CHD8: variants seen among roughly 807,000 people sequenced by gnomAD.
The protein encoded by CHD8 is chromodomain helicase DNA binding protein 8.
A neutral mutation model predicts 279.2 loss-of-function variants in CHD8; 31 were observed. The observed-to-expected ratio is 0.11, with a 90% CI of 0.08 to 0.15. The LOEUF (loss-of-function observed/expected upper bound fraction) is 0.15. Ranked by LOEUF, CHD8 falls within the 10% of genes least tolerant of loss-of-function variation. The pLI, the probability that CHD8 is intolerant of heterozygous loss-of-function variation, is 1.00. For synonymous variants in CHD8, 1,081 were observed against 1,139.6 expected (o/e 0.95, Z 1.04); for missense variants, 2,146 against 3,230.5 (o/e 0.66, Z 8.14).
rs114048720 is a variant in CHD8, at chr14:21,440,548, G to A, written c.-215-8690C>T. 5.8e-3 allele frequency among the ~76,000 whole-genome samples: 879 copies of A among 152,222 alleles called. 10 individuals are homozygous for A. The highest frequency in any genetic ancestry group is 0.02 in the African/African-American group (842 of 41,542). On this transcript the variant is annotated intron_variant, in intron 1 of 37. Coordinates refer to ENST00000646647, the MANE Select transcript of CHD8 (RefSeq NM_001170629.2). The stretch of plus-strand genomic sequence containing the variant: ...AAACAATGAGGAAAAGTTACCAGGT[G>A]GGAGGGAAAGGTGGGCTGTAAGAAA...
intron 1 of CHD8, among the ~76,000 whole-genome samples, chr14:21,440,631 G>C (rs1889933528): frequency 6.6e-6 from 1 of 152,182 alleles, no homozygotes; most frequent in African/African-American, 2.4e-5. Context: ...ATAGCAATGA[G>C]AAACAGCATG....
rs367898875 is a variant in CHD8 at position 21,415,913 on chromosome 14, G to C, written c.1717-6C>G. 8.5e-5 allele frequency: 137 copies of C among 1,608,994 alleles called. No homozygotes were observed. The highest frequency in any genetic ancestry group is 1.1e-4 in the Non-Finnish European group (134 of 1,178,304). ...TGGCGGTTTGAGCGTCTCTTCTGTA[G>C]AGCAAAAAGTAGTTAGAGTGACTAG... On this transcript the variant is annotated splice_polypyrimidine_tract_variant and splice_region_variant and intron_variant, in intron 5 of 37. Coordinates refer to ENST00000646647, the MANE Select transcript of CHD8 (RefSeq NM_001170629.2).
Position 21,430,783 on chromosome 14 carries a change from C to A in CHD8, c.843+18G>T. The stretch of plus-strand genomic sequence containing the variant: ...CTCTATGAAACCAAAATTCACCTCC[C>A]CCTTTCACTCAAGTCACCTGGGTAG... On this transcript the variant is annotated intron_variant, in intron 2 of 37. Transcript: ENST00000646647. 6.5e-7 allele frequency: 1 copy of A among 1,546,108 alleles called. No individual in the cohort carries two copies. The highest frequency in any genetic ancestry group is 8.7e-7 in the Non-Finnish European group (1 of 1,144,266).
Position 21,399,594 on chromosome 14 carries a change from A to G in CHD8, c.4921+8T>C. ...TCGGAAAGGAGTAGAATAGGAGAAG[A>G]TACGTACCATGTTTAAAGACTCCAA... On this transcript the variant is annotated splice_region_variant and intron_variant, in intron 26 of 37. Coordinates refer to ENST00000646647, the MANE Select transcript of CHD8 (RefSeq NM_001170629.2). 1 of 1,596,646 alleles carries G rather than the reference A, an allele frequency of 6.3e-7. No homozygotes were observed. The highest frequency in any genetic ancestry group is 8.6e-7 in the Non-Finnish European group (1 of 1,164,042).
chr14:21,405,859 G>A lies in CHD8; in HGVS notation c.2913C>T (p.His971=). The A allele has an allele frequency of 6.2e-7, 1 of 1,607,636 alleles. No homozygotes were observed. Among genetic ancestry groups the A allele is most frequent in the Non-Finnish European group, 8.5e-7 (1 of 1,177,582 alleles). Reference sequence around the variant, plus strand: ...ATGGTGTTCCTGTGAGTAGCACCTTGTGTTCCTAGAAATGGAGGAAACAAA... The same window carrying A: ...ATGGTGTTCCTGTGAGTAGCACCTTATGTTCCTAGAAATGGAGGAAACAAA... ...LDSLKHMDLE[H]KVLLTGTPLQ... The change falls in exon 15 of 38, where the codon CAC becomes CAT. Residue 971 remains histidine (H), a synonymous_variant. Coordinates refer to ENST00000646647, the MANE Select transcript of CHD8 (RefSeq NM_001170629.2). The surrounding 1 kb of genome is among the most constrained non-coding windows in gnomAD (Gnocchi z 4.2).
intron 1 of CHD8, 81 bp from the exon 2 acceptor site, chr14:21,431,939 T>C (rs1889582285): frequency 1.2e-6 from 1 of 836,742 alleles, no homozygotes; most frequent in African/African-American, 1.7e-5. Context: ...TACGTACTGT[T>C]CTTAATATCA....
chr14:21,411,190 T>C (rs149845025), intron 10 of CHD8, among the ~76,000 whole-genome samples: 2 of 152,186 alleles, frequency 1.3e-5, no homozygotes, highest in African/African-American at 4.8e-5. Flanking sequence ...AAGGCTGAGA[T>C]CCTGAAAAAT....
In CHD8 at chr14:21,431,770, G is replaced by A. The variant is rs1889574639; in HGVS notation, c.-127C>T. 3.7e-6 allele frequency: 6 copies of A among 1,613,026 alleles called. No individual in the cohort carries two copies. Among genetic ancestry groups the A allele is most frequent in the Admixed American group, 1.7e-5 (1 of 59,994 alleles). ...ACAATGTAAGAGGACTACTCTTCAA[G>A]TATAGAGGCAAGAAACAAGTGCATG... On this transcript the variant is annotated 5_prime_UTR_variant, in exon 2 of 38. Coordinates refer to ENST00000646647, the MANE Select transcript of CHD8 (RefSeq NM_001170629.2).
Position 21,394,134 on chromosome 14 carries a change from G to A in CHD8, c.5661C>T (p.Leu1887=). 6.2e-7 allele frequency: 1 copy of A among 1,611,350 alleles called. No individual in the cohort carries two copies. The highest frequency in any genetic ancestry group is 1.1e-5 in the South Asian group (1 of 90,762). ...PITEERASRT[L]YRIELLRRLR... ...AGCGCCGAAGCAATTCTATACGGTA[G>A]AGAGTCCGTGAGGCTCTCTCCTCAG... Residue 1887 remains leucine (L), a synonymous_variant, in exon 32 of 38, where the codon CTC becomes CTT. Transcript: ENST00000646647.
At chr14:21,436,875 G>A (rs1434485485) in intron 1 of CHD8, 1 of 1,069,386 alleles carries the variant, frequency 9.4e-7, no homozygotes, top group South Asian at 1.3e-5. Flanking sequence ...ACTGGGGTGG[G>A]GGTGGGGGGG....
At chr14:21,399,731 G>A in intron 25 of CHD8, 26 bp from the exon 26 acceptor site, 1 of 1,428,160 alleles carries the variant, frequency 7.0e-7, no homozygotes. Context: ...GGCAGAGTCA[G>A]CACAGAAATG....
Position 21,408,879 on chromosome 14 carries a change from A to G in CHD8, c.2365-54T>C, listed in dbSNP as rs1207486265. 64 of 1,554,046 alleles carry G rather than the reference A, an allele frequency of 4.1e-5. No individual in the cohort carries two copies. Among genetic ancestry groups the G allele is most frequent in the Non-Finnish European group, 5.5e-5 (63 of 1,144,864 alleles). ...AGTGGAGACATTATCAAAAGGTAAG[A>G]CTTACTAGGTAAGTTCTAATAGTTA... On this transcript the variant is annotated intron_variant, in intron 11 of 37. Transcript: ENST00000646647. The surrounding 1 kb of genome is among the most constrained non-coding windows in gnomAD (Gnocchi z 4.3).
At chr14:21,397,072 C>A in intron 27 of CHD8, 1 of 192,640 alleles carries the variant, frequency 5.2e-6, no homozygotes, top group South Asian at 8.9e-5. Context: ...TCCTACCCAA[C>A]TATTTACTTT....
intron 20 of CHD8, 90 bp downstream of exon 20, chr14:21,401,867 T>C (rs1387647736): frequency 1.9e-5 from 24 of 1,255,954 alleles, no homozygotes; most frequent in Non-Finnish European, 2.6e-5. Context: ...AATATAGGCA[T>C]GAGCCACCAT....
chr14:21,393,062 G>C (rs1199869963), intron 33 of CHD8, 44 bp downstream of exon 33: 3 of 1,593,826 alleles, frequency 1.9e-6, no homozygotes, highest in Admixed American at 3.5e-5. Context: ...CTGTTACACT[G>C]TATTTCTGGA....
chr14:21,431,371 G>C lies in CHD8; in HGVS notation c.273C>G (p.Thr91=). The C allele has an allele frequency of 6.5e-7, 1 of 1,537,394 alleles. No homozygotes were observed. Among genetic ancestry groups the C allele is most frequent in the Non-Finnish European group, 8.7e-7 (1 of 1,146,986 alleles). ...ESTAPAPESI[T]LHDYTTQPAS... The stretch of plus-strand genomic sequence containing the variant: ...CAGGCTGAGTGGTATAATCATGCAA[G>C]GTTATGGATTCTGGAGCTGGAGCTG... The change falls in exon 2 of 38, where the codon ACC becomes ACG. Residue 91 remains threonine (T), a synonymous_variant. Coordinates refer to ENST00000646647, the MANE Select transcript of CHD8 (RefSeq NM_001170629.2).
rs1448604941 is a variant in CHD8, at chr14:21,403,754, G to T, written c.3308-91C>A. ...ACTAAGAAAGCAAAAGGAAAAAAATGTAATTTGACTTAAGACCAACATTTC... is the reference window on the plus strand; with the variant it reads ...ACTAAGAAAGCAAAAGGAAAAAAATTTAATTTGACTTAAGACCAACATTTC... On this transcript the variant is annotated intron_variant, in intron 16 of 37. Coordinates refer to ENST00000646647, the MANE Select transcript of CHD8 (RefSeq NM_001170629.2). The surrounding 1 kb of genome is among the most constrained non-coding windows in gnomAD (Gnocchi z 4.3). The T allele has an allele frequency of 1.8e-6, 2 of 1,120,834 alleles. No homozygotes were observed. The highest frequency in any genetic ancestry group is 2.6e-5 in the East Asian group (1 of 38,812). The allele number at this position is 1,120,834 out of a possible 1,614,324, so 69.4% of individuals were successfully genotyped here. A position where few individuals can be genotyped will look rare whatever the true frequency, so the allele number is the denominator to read the frequency against.
intron 1 of CHD8, among the ~76,000 whole-genome samples, chr14:21,441,244 T>A (rs768669544): frequency 3.3e-5 from 5 of 152,188 alleles, no homozygotes; most frequent in Non-Finnish European, 7.4e-5. Flanking sequence ...GACCTTCTCT[T>A]TGGTCTTCCC....
chr14:21,450,423 AAAAG>A (rs1297975028), intron 1 of CHD8, among the ~76,000 whole-genome samples: 1 of 152,212 alleles, frequency 6.6e-6, no homozygotes, highest in Non-Finnish European at 1.5e-5. Context: ...GTGGAAGAAA[AAAAG>A]AAAGCAGGAA....
Sources: gnomAD v4.1 joint callset for allele counts (sites outside exome capture counted in the v4.1 genomes callset) on GRCh38, gnomAD v4.1.1 for gene constraint, Gnocchi (gnomAD v3.1) non-coding constraint, MANE v1.5 for transcripts, NCBI Gene and HGNC (gene_info 2026-07-23, HGNC 2026-07-21) for gene names.